Variants in GPSM1 observed in about 807,000 individuals in gnomAD.
GPSM1 encodes G protein signaling modulator 1.
In GPSM1, 48 loss-of-function variants were observed where a neutral mutation model predicts 70.5. The observed-to-expected ratio is 0.68, with a 90% CI of 0.54 to 0.87. The LOEUF (loss-of-function observed/expected upper bound fraction) is 0.87. Among genes scored for constraint, GPSM1 ranks in the 40% least tolerant of loss-of-function variants. The pLI is 0.00. For missense variants in GPSM1, 981 were observed against 972.6 expected (o/e 1.01, Z -0.11); for synonymous variants, 416 against 430.1 (o/e 0.97, Z 0.41).
intron 13 of GPSM1, among the ~76,000 whole-genome samples, 172 bp from the exon 14 acceptor site, chr9:136,357,842 G>A (rs959872928): frequency 3.3e-5 from 5 of 152,222 alleles, no homozygotes; most frequent in Non-Finnish European, 5.9e-5. Flanking sequence ...CTCAGGGCCC[G>A]GGCTCCCAGC....
At chr9:136,335,859 A>G in intron 2 of GPSM1, 107 bp from the exon 3 acceptor site, 5 of 1,169,404 alleles carry the variant, frequency 4.3e-6, no homozygotes, top group African/African-American at 1.5e-5. Flanking sequence ...TGTCCACTCC[A>G]TGCTGGTCCC....
chr9:136,351,072 G>A (rs782662770), intron 11 of GPSM1, among the ~76,000 whole-genome samples: 31 of 152,184 alleles, frequency 2.0e-4, no homozygotes, highest in Non-Finnish European at 4.3e-4. Context: ...CAAACCACTA[G>A]AAATAGTCTG....
intron 9 of GPSM1, among the ~76,000 whole-genome samples, chr9:136,345,349 G>A (rs1485341220): frequency 6.6e-6 from 1 of 152,232 alleles, no homozygotes; most frequent in East Asian, 1.9e-4. Context: ...CCAAGCCAGT[G>A]GGCCGGGCCT....
chr9:136,351,199 C>T (rs1832653646), intron 11 of GPSM1, among the ~76,000 whole-genome samples: 1 of 152,172 alleles, frequency 6.6e-6, no homozygotes, highest in Non-Finnish European at 1.5e-5. Flanking sequence ...AGCCTACCTT[C>T]CCCTCATTCA....
At chr9:136,352,565 G>C (rs541793667) in intron 11 of GPSM1, among the ~76,000 whole-genome samples, 33 of 152,356 alleles carry the variant, frequency 2.2e-4, no homozygotes, top group African/African-American at 7.7e-4. Flanking sequence ...CCAGAGGCTT[G>C]AGTTGAGCTG....
rs1199760929 is a variant in GPSM1, at chr9:136,349,609, A to G, written c.1301A>G (p.His434Arg). The change falls in exon 11 of 14, where the codon CAT becomes CGT. Residue 434 changes from histidine to arginine, a missense_variant. Physicochemically the swap from His to Arg is conservative, Grantham distance 29. Coordinates refer to ENST00000440944, the MANE Select transcript of GPSM1 (RefSeq NM_001145638.3). ...CAGGAGCAGAATGGAGACAGCCACCATTCAGGGGACTGGCGGGGGCCCAGC... is the reference window on the plus strand; with the variant it reads ...CAGGAGCAGAATGGAGACAGCCACCGTTCAGGGGACTGGCGGGGGCCCAGC... ...LEREQNGDSH[H>R]SGDWRGPSRD... 3.2e-6 allele frequency: 5 copies of G among 1,550,260 alleles called. No individual in the cohort carries two copies. Among genetic ancestry groups the G allele is most frequent in the Non-Finnish European group, 3.5e-6 (4 of 1,146,848 alleles).
At chr9:136,348,428 C>G (rs982780145) in intron 9 of GPSM1, among the ~76,000 whole-genome samples, 1 of 152,204 alleles carries the variant, frequency 6.6e-6, no homozygotes, top group African/African-American at 2.4e-5. Flanking sequence ...TGTCCAGAGC[C>G]GGGCCCTTCC....
At position 136,339,733 on chromosome 9, in the gene GPSM1, G is replaced by A; in HGVS notation, c.1001G>A (p.Ser334Asn). Residue 334 changes from serine (S) to asparagine (N), a missense_variant, in exon 8 of 14, where the codon AGC becomes AAC. Ser to Asn is a conservative substitution (Grantham distance 46). Transcript: ENST00000440944. ...DRVGEGRACWSLGNAYVSMGR... is the reference protein window; with the variant it reads ...DRVGEGRACWNLGNAYVSMGR... ...GTGGGCGAGGGCCGGGCGTGCTGGAGCCTGGGAAATGCCTACGTGTCCATG... is the reference window on the plus strand; with the variant it reads ...GTGGGCGAGGGCCGGGCGTGCTGGAACCTGGGAAATGCCTACGTGTCCATG... 3.2e-6 allele frequency: 5 copies of A among 1,550,188 alleles called. No individual in the cohort carries two copies. The highest frequency in any genetic ancestry group is 4.4e-6 in the Non-Finnish European group (5 of 1,146,704).
chr9:136,350,324 A>G (rs1832629775), intron 11 of GPSM1, among the ~76,000 whole-genome samples: 1 of 152,080 alleles, frequency 6.6e-6, no homozygotes, highest in African/African-American at 2.4e-5. Flanking sequence ...AGGGCCCTGG[A>G]GGGGTGGACG....
chr9:136,337,143 G>A, intron 4 of GPSM1, 71 bp downstream of exon 4: 1 of 1,348,890 alleles, frequency 7.4e-7, no homozygotes, highest in Non-Finnish European at 1.0e-6. Flanking sequence ...GACACTTCCA[G>A]ACCCCCGACC....
Position 136,358,481 on chromosome 9 carries a change from C to T in GPSM1, c.*261C>T. 1.8e-6 allele frequency: 1 copy of T among 550,434 alleles called. No individual in the cohort carries two copies. Among genetic ancestry groups the T allele is most frequent in the Non-Finnish European group, 3.2e-6 (1 of 315,606 alleles). The allele number at this position is 550,434 out of a possible 1,614,324, so 34.1% of individuals were successfully genotyped here. A position where few individuals can be genotyped will look rare whatever the true frequency, so the allele number is the denominator to read the frequency against. On this transcript the variant is annotated 3_prime_UTR_variant, in exon 14 of 14. Transcript: ENST00000440944. ...CCGGACGGGGCCTTCGGCATGTCGG[C>T]CCCGACCTGGTGCTGTCAGACTCCC...
chr9:136,339,310 C>G (rs1325324468), intron 7 of GPSM1, among the ~76,000 whole-genome samples: 1 of 152,244 alleles, frequency 6.6e-6, no homozygotes, highest in Non-Finnish European at 1.5e-5. Flanking sequence ...TAAAAACAAC[C>G]CCCTCACCCA....
chr9:136,345,268 G>A (rs1340076160), intron 9 of GPSM1, among the ~76,000 whole-genome samples: 8 of 152,208 alleles, frequency 5.3e-5, no homozygotes, highest in African/African-American at 1.4e-4. Context: ...GACGGTCAGC[G>A]TCGGGTGGCC....
chr9:136,334,725 G>C (rs1564342183), intron 2 of GPSM1, 57 bp downstream of exon 2: 1 of 1,436,156 alleles, frequency 7.0e-7, no homozygotes, highest in Non-Finnish European at 9.7e-7. Flanking sequence ...GGCGCGGTGA[G>C]TGGGGACGGC....
At chr9:136,350,805 A>G (rs1832641211) in intron 11 of GPSM1, among the ~76,000 whole-genome samples, 1 of 152,124 alleles carries the variant, frequency 6.6e-6, no homozygotes, top group Non-Finnish European at 1.5e-5. Context: ...GCTGTGGCAC[A>G]CAGAGGTGGC....
intron 3 of GPSM1, 138 bp from the exon 4 acceptor site, chr9:136,336,783 T>G: frequency 1.2e-6 from 1 of 828,540 alleles, no homozygotes; most frequent in Non-Finnish European, 1.9e-6. Context: ...CGCCCCTGCC[T>G]TAGTGTCTGT....
At chr9:136,354,979 C>A in intron 11 of GPSM1, 1 of 1,076,038 alleles carries the variant, frequency 9.3e-7, no homozygotes, top group Non-Finnish European at 1.1e-6. Context: ...TGGGGTAGCA[C>A]CCATGAGAGG....
In GPSM1 at chr9:136,348,781, A is replaced by T; in HGVS notation, c.1278+14A>T. 3 of 1,601,416 alleles carry T rather than the reference A, an allele frequency of 1.9e-6. No individual in the cohort carries two copies. Among genetic ancestry groups the T allele is most frequent in the Admixed American group, 1.7e-5 (1 of 59,808 alleles). On this transcript the variant is annotated intron_variant, in intron 10 of 13. Transcript: ENST00000440944. ...CCCCTGGAGCGGGTGAGCCAGGGAC[A>T]CGGGACCGATGTCAGCACAGCCGCT...
intron 5 of GPSM1, 106 bp downstream of exon 5, chr9:136,337,670 G>T (rs28639675): frequency 8.6e-7 from 1 of 1,158,578 alleles, no homozygotes. Context: ...TGGCCAGGCA[G>T]CAGGCCCGCC....
Sources: gnomAD v4.1 joint callset for allele counts (sites outside exome capture counted in the v4.1 genomes callset) on GRCh38, gnomAD v4.1.1 for gene constraint, MANE v1.5 for transcripts, NCBI Gene and HGNC (gene_info 2026-07-23, HGNC 2026-07-21) for gene names.